ASZ1: variants seen among roughly 807,000 people sequenced by gnomAD.
ASZ1 encodes ankyrin repeat, SAM and basic leucine zipper domain containing 1.
A neutral mutation model predicts 61.8 loss-of-function variants in ASZ1; 67 were observed. That is an observed-to-expected ratio of 1.08 (90% CI 0.89 to 1.33). The LOEUF is 1.33. Among genes scored for constraint, ASZ1 ranks in the 40% most tolerant of loss-of-function variants. The pLI is 0.00. For missense variants in ASZ1, 577 were observed against 554.5 expected (o/e 1.04, Z -0.41); for synonymous variants, 193 against 192.7 (o/e 1.00, Z -0.01).
At chr7:117,422,413 C>A in intron 2 of ASZ1, 54 bp from the exon 3 acceptor site, 1 of 1,580,560 alleles carries the variant, frequency 6.3e-7, no homozygotes, top group South Asian at 1.1e-5. Context: ...AGAAAAAAAT[C>A]AGTCACCTTA....
chr7:117,387,307 T>TCAACAACAACAACAACAACAA, intron 4 of ASZ1, among the ~76,000 whole-genome samples: 1 of 147,270 alleles, frequency 6.8e-6, no homozygotes, highest in Admixed American at 6.8e-5. Flanking sequence ...AGACCCTGTC[T>TCAACAACAACAACAACAACAA]CAACAACAAC....
At chr7:117,377,722 A>G (rs1201217395) in intron 10 of ASZ1, among the ~76,000 whole-genome samples, 1 of 152,098 alleles carries the variant, frequency 6.6e-6, no homozygotes, top group Non-Finnish European at 1.5e-5. Context: ...GGAAAGAAAA[A>G]GGCTCTAGAA....
chr7:117,366,646 GATAT>G (rs951987677), intron 12 of ASZ1, among the ~76,000 whole-genome samples: 4 of 151,252 alleles, frequency 2.6e-5, no homozygotes, highest in African/African-American at 9.7e-5. Flanking sequence ...CTTAAATACA[GATAT>G]ATATTATATA....
chr7:117,378,158 A>C (rs1796172617), intron 10 of ASZ1, among the ~76,000 whole-genome samples: 1 of 152,184 alleles, frequency 6.6e-6, no homozygotes, highest in Non-Finnish European at 1.5e-5. Context: ...AAAATATGCC[A>C]AAAGTACTGT....
intron 4 of ASZ1, among the ~76,000 whole-genome samples, chr7:117,416,294 G>A (rs1003584258): frequency 3.3e-5 from 5 of 152,176 alleles, no homozygotes; most frequent in South Asian, 2.1e-4. Context: ...TTAGAAAGAC[G>A]TACTATATTG....
chr7:117,426,177 C>G (rs1426042888), intron 2 of ASZ1, among the ~76,000 whole-genome samples: 3 of 151,540 alleles, frequency 2.0e-5, no homozygotes, highest in Admixed American at 2.0e-4. Context: ...AATGTAGAAC[C>G]ATTTCTTAAG....
At chr7:117,425,259 C>CTTTTTTTTTT (rs71148368) in intron 2 of ASZ1, among the ~76,000 whole-genome samples, 9 of 93,858 alleles carry the variant, frequency 9.6e-5, no homozygotes, top group Non-Finnish European at 1.6e-4. Flanking sequence ...TGAGTAATTT[C>CTTTTTTTTTT]TTTTTTTTTT....
intron 4 of ASZ1, among the ~76,000 whole-genome samples, chr7:117,407,548 T>C (rs74406924): frequency 0.021 from 3,198 of 152,234 alleles, 113 homozygotes; most frequent in African/African-American, 0.073. Context: ...TATGTGCCTA[T>C]GAAAAAATTT....
chr7:117,384,662 A>G lies in ASZ1; in HGVS notation c.687+64T>C, dbSNP rs1425361682. 2.1e-5 allele frequency: 31 copies of G among 1,502,542 alleles called. No individual in the cohort carries two copies. In the South Asian group the frequency reaches 3.5e-4, roughly 17 times the overall value. The allele number at this position is 1,502,542 out of a possible 1,614,324, so 93.1% of individuals were successfully genotyped here. On this transcript the variant is annotated intron_variant, in intron 6 of 12. Transcript: ENST00000284629. ...CTTTTAATTCTAACAGAATAATACA[A>G]AAGTTCTACAAATGATAATGTGATA...
intron 5 of ASZ1, among the ~76,000 whole-genome samples, chr7:117,385,119 T>C (rs1240293136): frequency 2.0e-5 from 3 of 152,194 alleles, no homozygotes; most frequent in African/African-American, 7.2e-5. Context: ...AATGATTTAT[T>C]TGCCAATCAC....
chr7:117,427,298 T>C (rs746905602), intron 1 of ASZ1, 58 bp downstream of exon 1: 54 of 1,573,094 alleles, frequency 3.4e-5, no homozygotes, highest in Non-Finnish European at 4.7e-5. Context: ...GGGCCTCGCC[T>C]TCGAGGGCCA....
intron 6 of ASZ1, among the ~76,000 whole-genome samples, chr7:117,383,747 TA>T (rs1796298179): frequency 6.6e-6 from 1 of 152,064 alleles, no homozygotes; most frequent in African/African-American, 2.4e-5. Flanking sequence ...TTGATGTTCA[TA>T]AACTTCTTAT....
intron 4 of ASZ1, among the ~76,000 whole-genome samples, chr7:117,418,139 C>T (rs1797030866): frequency 6.6e-6 from 1 of 152,058 alleles, no homozygotes; most frequent in African/African-American, 2.4e-5. Context: ...ACTTCACTAC[C>T]TACAAAATCT....
At chr7:117,392,510 A>C (rs1796490897) in intron 4 of ASZ1, among the ~76,000 whole-genome samples, 1 of 152,190 alleles carries the variant, frequency 6.6e-6, no homozygotes, top group Admixed American at 6.6e-5. Flanking sequence ...ATAGGTATAT[A>C]GAAATGCTTC....
intron 4 of ASZ1, among the ~76,000 whole-genome samples, chr7:117,410,398 C>T (rs2116517504): frequency 6.6e-6 from 1 of 151,740 alleles, no homozygotes; most frequent in Admixed American, 6.6e-5. Context: ...AAGTAATCTT[C>T]AATTTTTCTT....
chr7:117,370,057 G>A (rs549723608), intron 10 of ASZ1, among the ~76,000 whole-genome samples: 14 of 152,240 alleles, frequency 9.2e-5, no homozygotes, highest in African/African-American at 3.4e-4. Flanking sequence ...AGACATGCGG[G>A]TGGCAACAAC....
intron 4 of ASZ1, among the ~76,000 whole-genome samples, chr7:117,415,522 G>A (rs1202404117): frequency 3.3e-5 from 5 of 151,992 alleles, no homozygotes; most frequent in Admixed American, 2.0e-4. Context: ...ACAGTATATT[G>A]TTATAATTGT....
chr7:117,380,340 A>C (rs1299190439), intron 9 of ASZ1, among the ~76,000 whole-genome samples: 1 of 151,844 alleles, frequency 6.6e-6, no homozygotes, highest in East Asian at 1.9e-4. Flanking sequence ...ATTTCAAAAA[A>C]ACACAGTAAA....
chr7:117,420,120 T>G (rs751443416), intron 4 of ASZ1, 43 bp downstream of exon 4: 6 of 1,456,646 alleles, frequency 4.1e-6, no homozygotes, highest in Non-Finnish European at 5.6e-6. Context: ...CAAAGAAAAA[T>G]TCTAATTTGA....
Sources: gnomAD v4.1 joint callset for allele counts (sites outside exome capture counted in the v4.1 genomes callset) on GRCh38, gnomAD v4.1.1 for gene constraint, MANE v1.5 for transcripts, NCBI Gene and HGNC (gene_info 2026-07-23, HGNC 2026-07-21) for gene names.